The following FRY variants were observed in gnomAD, a reference collection of about 807,000 sequenced individuals.
FRY encodes protein furry homolog.
FRY carries 128 observed loss-of-function variants against 348.4 expected under a neutral mutation model. The ratio of observed to expected loss-of-function variants is 0.37; its 90% confidence interval spans 0.32 to 0.43. The LOEUF is 0.43. Among genes scored for constraint, FRY ranks in the 20% least tolerant of loss-of-function variants. The probability of loss-of-function intolerance (pLI) is 1.00; values close to 1 mark genes in which losing one functional copy is unlikely to be tolerated. For synonymous variants in FRY, 1,370 were observed against 1,374.7 expected (o/e 1.00, Z 0.08); for missense variants, 2,736 against 3,695.2 (o/e 0.74, Z 6.73).
intron 3 of FRY, among the ~76,000 whole-genome samples, chr13:32,111,388 C>G (rs1342356989): frequency 1.3e-5 from 2 of 151,778 alleles, no homozygotes; most frequent in African/African-American, 4.8e-5. Flanking sequence ...CCCACCTACT[C>G]GGGAGGCTGA....
At chr13:32,149,180 T>C (rs1322840398) in intron 13 of FRY, among the ~76,000 whole-genome samples, 1 of 149,112 alleles carries the variant, frequency 6.7e-6, no homozygotes, top group Non-Finnish European at 1.5e-5. Context: ...ATATTAACTA[T>C]TGTTATATAT....
At chr13:32,077,048 G>A (rs1875119816) in intron 1 of FRY, among the ~76,000 whole-genome samples, 1 of 152,182 alleles carries the variant, frequency 6.6e-6, no homozygotes. Context: ...AAGTGGCTCT[G>A]AAAGAAGAGG....
At position 32,178,842 on chromosome 13, in the gene FRY, A is replaced by C; in HGVS notation, c.2682-2A>C. The stretch of plus-strand genomic sequence containing the variant: ...CTCTTGTTTTCGACTCCATATTTCT[A>C]GTAGCCCAATTAATGCCAAGAAAAC... On this transcript the variant is annotated splice_acceptor_variant, in intron 21 of 60. Coordinates refer to ENST00000542859, the MANE Select transcript of FRY (RefSeq NM_023037.3). LOFTEE classifies it high-confidence loss of function. The C allele has an allele frequency of 6.2e-7, 1 of 1,604,398 alleles. No individual in the cohort carries two copies. The highest frequency in any genetic ancestry group is 2.2e-5 in the East Asian group (1 of 44,826).
intron 36 of FRY, among the ~76,000 whole-genome samples, chr13:32,222,169 A>G (rs926418908): frequency 3.9e-5 from 6 of 152,204 alleles, no homozygotes; most frequent in Non-Finnish European, 7.3e-5. Context: ...GCAGATGAGC[A>G]TCCTAGCCAT....
chr13:32,066,315 A>T (rs1026535827), intron 1 of FRY, among the ~76,000 whole-genome samples: 9 of 152,192 alleles, frequency 5.9e-5, no homozygotes, highest in African/African-American at 2.2e-4. Context: ...CATTAGCTCT[A>T]ATGTTTTGAA....
chr13:32,218,857 T>TCAGACGGA lies in FRY; in HGVS notation c.4765+27_4765+34dup, dbSNP rs1885152735. On this transcript the variant is annotated intron_variant, in intron 36 of 60. Coordinates refer to ENST00000542859, the MANE Select transcript of FRY (RefSeq NM_023037.3). ...GTAAGTACCAACAGGCTGTGGGCTT[T>TCAGACGGA]CAGACGGAACGCAAGTGGTCAGAGG... 7 of 1,352,472 alleles carry TCAGACGGA rather than the reference T, an allele frequency of 5.2e-6. No homozygotes were observed. The African/African-American group carries it at 1.0e-4, about 19-fold the overall frequency. The allele number at this position is 1,352,472 out of a possible 1,614,324, so 83.8% of individuals were successfully genotyped here. A position where few individuals can be genotyped will look rare whatever the true frequency, so the allele number is the denominator to read the frequency against.
At chr13:32,268,150 C>T (rs1040536563) in intron 55 of FRY, among the ~76,000 whole-genome samples, 8 of 152,222 alleles carry the variant, frequency 5.3e-5, no homozygotes, top group Non-Finnish European at 1.2e-4. Flanking sequence ...GCTTAAATCT[C>T]GCTTGTTACC....
intron 1 of FRY, among the ~76,000 whole-genome samples, chr13:32,051,811 A>G (rs1873346686): frequency 1.3e-5 from 2 of 152,230 alleles, no homozygotes; most frequent in Admixed American, 1.3e-4. Context: ...GGCAAGGTGG[A>G]AATCCCTGTG....
At chr13:32,178,564 A>G in intron 21 of FRY, 128 bp downstream of exon 21, 1 of 1,091,666 alleles carries the variant, frequency 9.2e-7, no homozygotes, top group South Asian at 1.5e-5. Context: ...AATTCTTAAC[A>G]TTGAGTAAAA....
chr13:32,105,315 C>G (rs987456723), intron 3 of FRY, among the ~76,000 whole-genome samples: 1 of 152,186 alleles, frequency 6.6e-6, no homozygotes, highest in African/African-American at 2.4e-5. Context: ...AAGGAGCCAT[C>G]TTGGAAGTAG....
intron 59 of FRY, 58 bp downstream of exon 59, chr13:32,289,801 T>C: frequency 1.1e-6 from 1 of 887,082 alleles, no homozygotes; most frequent in East Asian, 2.4e-5. Context: ...TCTTTTGTTC[T>C]TCCTCACTCC....
intron 11 of FRY, 51 bp from the exon 12 acceptor site, chr13:32,147,231 T>G (rs936393085): frequency 1.8e-6 from 2 of 1,124,752 alleles, no homozygotes; most frequent in Admixed American, 1.7e-5. Context: ...CTCTAGAACC[T>G]CAGACCTCAC....
rs1885555642 is a variant in FRY, at chr13:32,225,939, T to C, written c.5171T>C (p.Val1724Ala). Residue 1724 changes from valine (V) to alanine (A), a missense_variant, in exon 39 of 61, where the codon GTG (valine) becomes GCG (alanine). Physicochemically the swap from Val to Ala is moderately conservative, Grantham distance 64 (BLOSUM62 0). Around this residue, in one of 9 missense-constraint regions of FRY, gnomAD observed 794 missense variants for 977.0 expected, o/e 0.81. Coordinates refer to ENST00000542859, the MANE Select transcript of FRY (RefSeq NM_023037.3). The stretch of plus-strand genomic sequence containing the variant: ...ATGGGTGAAGCTAAGACTCTAACCG[T>C]GCAGCCAGCCTACCAACCTGAATAT... ...REMGEAKTLT[V>A]QPAYQPEYLY... 4 of 1,613,992 alleles carry C rather than the reference T, an allele frequency of 2.5e-6. No individual in the cohort carries two copies. Among genetic ancestry groups the C allele is most frequent in the Non-Finnish European group, 2.5e-6 (3 of 1,180,012 alleles).
At position 32,237,832 on chromosome 13, in the gene FRY, C is replaced by T; in HGVS notation, c.6264C>T (p.Leu2088=). The change falls in exon 44 of 61, where the codon CTC becomes CTT. Residue 2088 remains leucine, a synonymous_variant. Transcript: ENST00000542859. This position sits in a 1 kb window ranked among gnomAD's most constrained non-coding sequence, Gnocchi z 6.3. ...KAENREKLEK[L]QAQLKWADFS... is the part of the protein sequence containing the mutation. ...AGAACCGAGAAAAGCTTGAGAAACT[C>T]CAGGCACAGCTGAAGTGGGCCGACT... 6.2e-7 allele frequency: 1 copy of T among 1,614,190 alleles called. No homozygotes were observed. The highest frequency in any genetic ancestry group is 1.3e-5 in the African/African-American group (1 of 75,048).
At chr13:32,105,989 A>G (rs533333099) in intron 3 of FRY, among the ~76,000 whole-genome samples, 22 of 150,806 alleles carry the variant, frequency 1.5e-4, no homozygotes, top group African/African-American at 4.8e-4. Context: ...CCCTTCTCAT[A>G]TTATCTCACC....
intron 47 of FRY, among the ~76,000 whole-genome samples, chr13:32,246,326 A>C (rs1208610953): frequency 6.6e-6 from 1 of 152,252 alleles, no homozygotes; most frequent in Non-Finnish European, 1.5e-5. Context: ...CTGTGTTTCT[A>C]ATATTTTTAT....
intron 2 of FRY, among the ~76,000 whole-genome samples, chr13:32,094,572 G>A (rs1260522603): frequency 6.6e-6 from 1 of 151,160 alleles, no homozygotes; most frequent in Admixed American, 6.6e-5. Context: ...GAGTTCAATT[G>A]TTTTAATCTT....
chr13:32,110,868 T>C (rs1877908551), intron 3 of FRY, among the ~76,000 whole-genome samples: 1 of 152,248 alleles, frequency 6.6e-6, no homozygotes, highest in Non-Finnish European at 1.5e-5. Context: ...CTGATTACTC[T>C]GCAAAGGAGC....
In FRY at chr13:32,239,362, G is replaced by T. The variant is rs777706475; in HGVS notation, c.6516+13G>T. Reference sequence around the variant, plus strand: ...AAGGATTGCTCAGGTATGAGTTACAGTTCCACACTCAGGCAGATCCATAGA... The same window carrying T: ...AAGGATTGCTCAGGTATGAGTTACATTTCCACACTCAGGCAGATCCATAGA... On this transcript the variant is annotated intron_variant, in intron 45 of 60. Coordinates refer to ENST00000542859, the MANE Select transcript of FRY (RefSeq NM_023037.3). The surrounding 1 kb of genome is among the most constrained non-coding windows in gnomAD (Gnocchi z 4.3). 1.9e-5 allele frequency: 28 copies of T among 1,496,220 alleles called. No individual in the cohort carries two copies. The highest frequency in any genetic ancestry group is 2.1e-5 in the Non-Finnish European group (22 of 1,072,538). 92.7% of individuals were successfully genotyped at this position (1,496,220 alleles called of 1,614,324 possible). A position where few individuals can be genotyped will look rare whatever the true frequency, so the allele number is the denominator to read the frequency against.
Sources: gnomAD v4.1 joint callset for allele counts (sites outside exome capture counted in the v4.1 genomes callset) on GRCh38, gnomAD v4.1.1 for gene constraint, gnomAD v4.1.1 regional missense constraint, Gnocchi (gnomAD v3.1) non-coding constraint, MANE v1.5 for transcripts, NCBI Gene and HGNC (gene_info 2026-07-23, HGNC 2026-07-21) for gene names.